Variants in TAFA2 observed in about 807,000 individuals in gnomAD.
TAFA2 encodes chemokine-like protein TAFA-2.
Under a neutral mutation model 18.8 loss-of-function variants are expected in TAFA2, and 7 were observed. The observed-to-expected ratio is 0.37, with a 90% CI of 0.21 to 0.70. The LOEUF is 0.70. Among genes scored for constraint, TAFA2 ranks in the 30% least tolerant of loss-of-function variants. The pLI, the probability that TAFA2 is intolerant of heterozygous loss-of-function variation, is 0.53. For missense variants in TAFA2, 122 were observed against 158.1 expected (o/e 0.77, Z 1.23); for synonymous variants, 60 against 54.2 (o/e 1.11, Z -0.47).
At chr12:62,178,153 A>G (rs2062526414) in intron 1 of TAFA2, among the ~76,000 whole-genome samples, 1 of 152,154 alleles carries the variant, frequency 6.6e-6, no homozygotes, top group Admixed American at 6.6e-5. Context: ...TTGAAAAATT[A>G]GCCAGGCATG....
chr12:61,759,593 G>A (rs1428909211), intron 2 of TAFA2, among the ~76,000 whole-genome samples: 2 of 151,904 alleles, frequency 1.3e-5, no homozygotes, highest in African/African-American at 4.8e-5. Context: ...TCTAAAATTA[G>A]GATGTTCTTT....
intron 1 of TAFA2, among the ~76,000 whole-genome samples, chr12:62,111,255 ATTCAGGACCAGGTTGT>A (rs1869718435): frequency 6.6e-6 from 1 of 152,178 alleles, no homozygotes; most frequent in Non-Finnish European, 1.5e-5. Context: ...CCCAGTAGTC[ATTCAGGACCAGGTTGT>A]TCAGTTTCCA....
intron 1 of TAFA2, among the ~76,000 whole-genome samples, chr12:61,928,023 A>G (rs1487695708): frequency 2.0e-5 from 3 of 152,230 alleles, no homozygotes; most frequent in African/African-American, 7.2e-5. Context: ...AGATGAATTC[A>G]AGACTTAAAC....
At chr12:62,028,172 C>G (rs187439642) in intron 1 of TAFA2, among the ~76,000 whole-genome samples, 1 of 152,270 alleles carries the variant, frequency 6.6e-6, no homozygotes, top group Non-Finnish European at 1.5e-5. Context: ...AGTACTATAA[C>G]AAGTTCTCAA....
intron 2 of TAFA2, among the ~76,000 whole-genome samples, chr12:61,798,822 A>G (rs966756556): frequency 2.0e-5 from 3 of 152,224 alleles, no homozygotes; most frequent in African/African-American, 7.2e-5. Context: ...TGATAAAGAA[A>G]TCTACTAAGC....
At chr12:62,246,541 ATCT>A (rs1043687155) in intron 1 of TAFA2, among the ~76,000 whole-genome samples, 8 of 152,172 alleles carry the variant, frequency 5.3e-5, no homozygotes, top group Non-Finnish European at 1.0e-4. Context: ...TGTTGTCCTA[ATCT>A]TCTGTATCTT....
chr12:61,959,044 C>T (rs998873844), intron 1 of TAFA2, among the ~76,000 whole-genome samples: 34 of 151,904 alleles, frequency 2.2e-4, no homozygotes, highest in African/African-American at 8.2e-4. Flanking sequence ...TTCATATTCT[C>T]TTCTACTAAT....
intron 1 of TAFA2, among the ~76,000 whole-genome samples, chr12:62,167,377 C>T (rs535199028): frequency 6.6e-6 from 1 of 152,110 alleles, no homozygotes; most frequent in African/African-American, 2.4e-5. Flanking sequence ...GCAGTATAAC[C>T]AGAGAGAAAC....
intron 1 of TAFA2, among the ~76,000 whole-genome samples, chr12:61,916,739 C>T (rs1013320144): frequency 6.6e-6 from 1 of 152,314 alleles, no homozygotes; most frequent in African/African-American, 2.4e-5. Context: ...AGCCACGAGT[C>T]AGAGTTAATC....
At chr12:61,784,536 A>C (rs1349483621) in intron 2 of TAFA2, among the ~76,000 whole-genome samples, 2 of 151,534 alleles carry the variant, frequency 1.3e-5, no homozygotes, top group Non-Finnish European at 3.0e-5. Context: ...AAGTTTGGGA[A>C]GAAAATTTCT....
intron 1 of TAFA2, among the ~76,000 whole-genome samples, chr12:61,889,715 G>A (rs536103340): frequency 6.0e-4 from 92 of 152,234 alleles, no homozygotes; most frequent in African/African-American, 1.2e-3. Context: ...AGTGAATTGC[G>A]CCAACCGCTA....
intron 2 of TAFA2, among the ~76,000 whole-genome samples, chr12:61,771,919 AAC>A (rs931097339): frequency 6.6e-6 from 1 of 151,318 alleles, no homozygotes; most frequent in African/African-American, 2.4e-5. Context: ...CAAAAAAAAA[AAC>A]AGATAAATGA....
At chr12:61,738,286 T>TG (rs1868339550) in intron 4 of TAFA2, among the ~76,000 whole-genome samples, 2 of 55,376 alleles carry the variant, frequency 3.6e-5, no homozygotes, top group Non-Finnish European at 7.1e-5. Flanking sequence ...AAAATGAAAA[T>TG]GAAAACACAC....
At chr12:61,896,030 ATG>A (rs1875827651) in intron 1 of TAFA2, among the ~76,000 whole-genome samples, 1 of 152,030 alleles carries the variant, frequency 6.6e-6, no homozygotes, top group African/African-American at 2.4e-5. Flanking sequence ...ACAGAGGAGA[ATG>A]AGAGAGAGAA....
At chr12:61,973,200 T>C (rs1257995599) in intron 1 of TAFA2, among the ~76,000 whole-genome samples, 1 of 151,648 alleles carries the variant, frequency 6.6e-6, no homozygotes, top group Non-Finnish European at 1.5e-5. Flanking sequence ...TACCTGTGAA[T>C]GCAAATTAAA....
At chr12:62,128,530 G>A (rs971968087) in intron 1 of TAFA2, among the ~76,000 whole-genome samples, 1 of 151,972 alleles carries the variant, frequency 6.6e-6, no homozygotes, top group African/African-American at 2.4e-5. Context: ...TTGCTTTCAT[G>A]CTTATTTAGC....
At chr12:61,813,228 A>T (rs1871946277) in intron 2 of TAFA2, among the ~76,000 whole-genome samples, 1 of 151,326 alleles carries the variant, frequency 6.6e-6, no homozygotes, top group East Asian at 1.9e-4. Flanking sequence ...CATTGCTTTA[A>T]TTTGCACTCC....
intron 1 of TAFA2, among the ~76,000 whole-genome samples, chr12:62,217,645 A>C (rs970780316): frequency 1.3e-5 from 2 of 152,100 alleles, no homozygotes; most frequent in Non-Finnish European, 2.9e-5. Context: ...AAGTAGGCCA[A>C]CTCTGAAGGG....
chr12:61,957,934 T>C (rs971201712), intron 1 of TAFA2, among the ~76,000 whole-genome samples: 2 of 152,048 alleles, frequency 1.3e-5, no homozygotes, highest in Admixed American at 6.6e-5. Flanking sequence ...GCTTAGGACA[T>C]TGATGAAAAT....
Sources: gnomAD v4.1 joint callset for allele counts (sites outside exome capture counted in the v4.1 genomes callset) on GRCh38, gnomAD v4.1.1 for gene constraint, MANE v1.5 for transcripts, NCBI Gene and HGNC (gene_info 2026-07-23, HGNC 2026-07-21) for gene names.